OR2T11: variants seen among roughly 807,000 people sequenced by gnomAD.
OR2T11 encodes olfactory receptor 2T11.
Under a neutral mutation model 13.5 loss-of-function variants are expected in OR2T11, and 14 were observed. The observed-to-expected ratio is 1.04, with a 90% CI of 0.69 to 1.62. OR2T11 has a LOEUF of 1.62. Ranked by LOEUF, OR2T11 falls within the 40% of genes most tolerant of loss-of-function variation. The pLI, the probability that OR2T11 is intolerant of heterozygous loss-of-function variation, is 0.00. For missense variants in OR2T11, 410 were observed against 389.7 expected (o/e 1.05, Z -0.44); for synonymous variants, 163 against 154.6 (o/e 1.05, Z -0.40).
Position 248,628,430 on chromosome 1 carries a change from T to C in OR2T11, c.-144-1158A>G, listed in dbSNP as rs1170252506. Among the ~76,000 whole-genome samples, 56 of 139,704 alleles carry C rather than the reference T, an allele frequency of 4.0e-4. 13 individuals are homozygous for C. The highest frequency in any genetic ancestry group is 1.5e-3 in the African/African-American group (52 of 34,662). 91.7% of individuals were successfully genotyped at this position (139,704 alleles called of 152,430 possible). A position where few individuals can be genotyped will look rare whatever the true frequency, so the allele number is the denominator to read the frequency against. Reference sequence around the variant, plus strand: ...CGGGGGAGCCCGGATGCTGCAGGGTTTCCCCCCATTCACATGTTGCTAGAC... The same window carrying C: ...CGGGGGAGCCCGGATGCTGCAGGGTCTCCCCCCATTCACATGTTGCTAGAC... On this transcript the variant is annotated intron_variant, in intron 1 of 1. Transcript: ENST00000641193.
rs552811455 is a variant in OR2T11, at chr1:248,630,992, G to A, written c.-144-3720C>T. Among the ~76,000 whole-genome samples, 6 of 142,920 alleles carry A rather than the reference G, an allele frequency of 4.2e-5. 1 individual carries two copies. The highest frequency in any genetic ancestry group is 4.0e-4 in the East Asian group (2 of 4,940). The allele number at this position is 142,920 out of a possible 152,430, so 93.8% of individuals were successfully genotyped here. A position where few individuals can be genotyped will look rare whatever the true frequency, so the allele number is the denominator to read the frequency against. ...GGTCGGAGGGACTCAGTCGGTCTCC[G>A]GGTTTGACGATAGAGGGGACCCCAA... On this transcript the variant is annotated intron_variant, in intron 1 of 1. Coordinates refer to ENST00000641193, the MANE Select transcript of OR2T11 (RefSeq NM_001001964.2).
At position 248,631,903 on chromosome 1, in the gene OR2T11, C is replaced by T. The variant is rs187221762; in HGVS notation, c.-145+3135G>A. On this transcript the variant is annotated intron_variant, in intron 1 of 1. Transcript: ENST00000641193. ...AGGCATGTTTCCTGCACAGCATCAC[C>T]GCTGTCAACATGAAGCCCTGTACGT... 1.0e-4 allele frequency among the ~76,000 whole-genome samples: 15 copies of T among 143,850 alleles called. 2 individuals are homozygous for T. The highest frequency in any genetic ancestry group is 1.4e-4 in the Admixed American group (2 of 14,752). The allele number at this position is 143,850 out of a possible 152,430, so 94.4% of individuals were successfully genotyped here. A position where few individuals can be genotyped will look rare whatever the true frequency, so the allele number is the denominator to read the frequency against.
chr1:248,628,896 C>T (rs746481003), intron 1 of OR2T11, among the ~76,000 whole-genome samples: 1 of 143,162 alleles, frequency 7.0e-6, no homozygotes, highest in Non-Finnish European at 1.5e-5. Context: ...TCCTGATCCA[C>T]TCCTGATCGT....
At position 248,626,107 on chromosome 1, in the gene OR2T11, A is replaced by AGATC; in HGVS notation, c.*67_*70dup. On this transcript the variant is annotated 3_prime_UTR_variant, in exon 2 of 2. Coordinates refer to ENST00000641193, the MANE Select transcript of OR2T11 (RefSeq NM_001001964.2). ...AGTAAGTGTAGGTTGATAGCTGAGC[A>AGATC]GATCATCTCCAGGGAAACAGGGCAA... The AGATC allele has an allele frequency of 1.2e-6, 1 of 830,512 alleles. No homozygotes were observed. The highest frequency in any genetic ancestry group is 2.0e-6 in the Non-Finnish European group (1 of 505,502). The allele number at this position is 830,512 out of a possible 1,614,324, so 51.4% of individuals were successfully genotyped here.
Position 248,628,902 on chromosome 1 carries a change from A to G in OR2T11, c.-144-1630T>C, listed in dbSNP as rs572302436. 1.3e-4 allele frequency among the ~76,000 whole-genome samples: 19 copies of G among 143,148 alleles called. 2 individuals are homozygous for G. In the South Asian group the frequency reaches 4.2e-3, roughly 32 times the overall value. The allele number at this position is 143,148 out of a possible 152,430, so 93.9% of individuals were successfully genotyped here. A position where few individuals can be genotyped will look rare whatever the true frequency, so the allele number is the denominator to read the frequency against. ...GTCTTAGCCTCCTGATCCACTCCTG[A>G]TCGTTTCAATTCTATTCCATTTCCC... On this transcript the variant is annotated intron_variant, in intron 1 of 1. Transcript: ENST00000641193.
At position 248,629,567 on chromosome 1, in the gene OR2T11, T is replaced by C. The variant is rs1335558168; in HGVS notation, c.-144-2295A>G. On this transcript the variant is annotated intron_variant, in intron 1 of 1. Transcript: ENST00000641193. Reference sequence around the variant, plus strand: ...GTCTCATGAATCCCTCCAAGTCTAGTCTCAGCACAACCATCAAAGTCACAT... The same window carrying C: ...GTCTCATGAATCCCTCCAAGTCTAGCCTCAGCACAACCATCAAAGTCACAT... Among the ~76,000 whole-genome samples, 2 of 139,856 alleles carry C rather than the reference T, an allele frequency of 1.4e-5. 1 individual carries two copies. The highest frequency in any genetic ancestry group is 3.1e-5 in the Non-Finnish European group (2 of 65,480). The allele number at this position is 139,856 out of a possible 152,430, so 91.8% of individuals were successfully genotyped here.
At chr1:248,634,466 CT>C (rs1660658214) in intron 1 of OR2T11, among the ~76,000 whole-genome samples, 1 of 142,886 alleles carries the variant, frequency 7.0e-6, no homozygotes, top group African/African-American at 2.8e-5. Context: ...TGAAATGCTG[CT>C]AAGTGTGTGA....
chr1:248,631,906 T>C (rs1289891385), intron 1 of OR2T11, among the ~76,000 whole-genome samples: 1 of 143,776 alleles, frequency 7.0e-6, no homozygotes, highest in Non-Finnish European at 1.5e-5. Flanking sequence ...GCATCACCGC[T>C]GTCAACATGA....
rs577790893 is a variant in OR2T11 at position 248,634,417 on chromosome 1, C to T, written c.-145+621G>A. Among the ~76,000 whole-genome samples, 557 of 141,408 alleles carry T rather than the reference C, an allele frequency of 3.9e-3. 98 individuals are homozygous for T. The highest frequency in any genetic ancestry group is 0.015 in the African/African-American group (538 of 34,982). 92.8% of individuals were successfully genotyped at this position (141,408 alleles called of 152,430 possible). A position where few individuals can be genotyped will look rare whatever the true frequency, so the allele number is the denominator to read the frequency against. ...TAGTCAAAGCAAACCAAGTATTTTC[C>T]TGGCCTTTATTACCTGGGATTTAGA... On this transcript the variant is annotated intron_variant, in intron 1 of 1. Transcript: ENST00000641193.
In OR2T11 at chr1:248,627,642, G is replaced by A. The variant is rs1232703999; in HGVS notation, c.-144-370C>T. ...TTTATTCACGAAGCCCCATGTTTCT[G>A]TTCTATTTCTTTTTAATTATTTGTA... On this transcript the variant is annotated intron_variant, in intron 1 of 1. Coordinates refer to ENST00000641193, the MANE Select transcript of OR2T11 (RefSeq NM_001001964.2). Among the ~76,000 whole-genome samples, 3 of 143,460 alleles carry A rather than the reference G, an allele frequency of 2.1e-5. 1 individual carries two copies. The highest frequency in any genetic ancestry group is 4.5e-5 in the Non-Finnish European group (3 of 66,256). 94.1% of individuals were successfully genotyped at this position (143,460 alleles called of 152,430 possible).
rs1660537255 is a variant in OR2T11, at chr1:248,627,098, G to A, written c.31C>T (p.Leu11Phe). 6.4e-7 allele frequency: 1 copy of A among 1,562,438 alleles called. No individual in the cohort carries two copies. Among genetic ancestry groups the A allele is most frequent in the Non-Finnish European group, 8.7e-7 (1 of 1,148,368 alleles). Residue 11 changes from leucine (L) to phenylalanine (F), a missense_variant, in exon 2 of 2, where the codon CTC becomes TTC. Leu to Phe is a conservative substitution (Grantham distance 22, BLOSUM62 0). Transcript: ENST00000641193. ...TCACTGTTCACCAGAAGCCCCAGGA[G>A]GGTGAAGTCAGAGGATGATGTGTTC... MTNTSSSDFTLLGLLVNSEAA... is the reference protein window; with the variant it reads MTNTSSSDFTFLGLLVNSEAA...
rs1660535723 is a variant in OR2T11, at chr1:248,627,050, C to T, written c.79G>A (p.Val27Met). 1.9e-6 allele frequency: 3 copies of T among 1,570,804 alleles called. 1 individual carries two copies. The highest frequency in any genetic ancestry group is 4.6e-5 in the East Asian group (2 of 43,648). The stretch of plus-strand genomic sequence containing the variant: ...GCCCCCAAGAAAACAGCAAGGATCA[C>T]TGTAAATACAATCCCGGCAGCCTCA... ...NSEAAGIVFTVILAVFLGAVT... is the reference protein window; with the variant it reads ...NSEAAGIVFTMILAVFLGAVT... The change falls in exon 2 of 2, where the codon GTG (valine) becomes ATG (methionine). Residue 27 changes from valine (V) to methionine (M), a missense_variant. Val to Met is a conservative substitution (Grantham distance 21). Transcript: ENST00000641193.
rs758303018 is a variant in OR2T11, at chr1:248,626,675, C to G, written c.454G>C (p.Asp152His). The G allele has an allele frequency of 1.9e-6, 3 of 1,572,954 alleles. 1 individual carries two copies. The highest frequency in any genetic ancestry group is 2.6e-6 in the Non-Finnish European group (3 of 1,156,678). ...GTGATGGGAGTGAGCAGAAAGCCAT[C>G]GAGGGAGCCCCCAAACCAGGCACCA... is the stretch of plus-strand genomic sequence containing the variant. ...AAGAWFGGSL[D>H]GFLLTPITMN... is the part of the protein sequence containing the mutation. Residue 152 changes from aspartate to histidine, a missense_variant, in exon 2 of 2, where the codon GAT becomes CAT. Asp to His is a moderately conservative substitution (Grantham distance 81, BLOSUM62 -1). Transcript: ENST00000641193.
intron 1 of OR2T11, among the ~76,000 whole-genome samples, chr1:248,630,997 T>C (rs955815121): frequency 1.4e-5 from 2 of 142,618 alleles, no homozygotes; most frequent in Non-Finnish European, 3.0e-5. Context: ...TCTCCGGGTT[T>C]GACGATAGAG....
At position 248,632,111 on chromosome 1, in the gene OR2T11, AAAG is replaced by A. The variant is rs1204867480; in HGVS notation, c.-145+2924_-145+2926del. 6.9e-4 allele frequency among the ~76,000 whole-genome samples: 97 copies of A among 141,554 alleles called. 16 individuals carry two copies. The highest frequency in any genetic ancestry group is 2.6e-3 in the African/African-American group (94 of 36,562). 92.9% of individuals were successfully genotyped at this position (141,554 alleles called of 152,430 possible). A position where few individuals can be genotyped will look rare whatever the true frequency, so the allele number is the denominator to read the frequency against. ...TGTGTTATCACATGTACCCTAAGAA[AAAG>A]AAAAACAGAATGACCCTTGAAGAAT... On this transcript the variant is annotated intron_variant, in intron 1 of 1. Transcript: ENST00000641193.
rs917114351 is a variant in OR2T11, at chr1:248,631,033, T to C, written c.-144-3761A>G. ...GGGACCCCAAGCCAAGGAATGTAGA[T>C]GGTCTCTAGAAACTGGAGAGGGCTA... On this transcript the variant is annotated intron_variant, in intron 1 of 1. Transcript: ENST00000641193. Among the ~76,000 whole-genome samples the C allele has an allele frequency of 3.5e-5, 5 of 142,578 alleles. 1 individual carries two copies. The highest frequency in any genetic ancestry group is 6.0e-5 in the Non-Finnish European group (4 of 66,122). 93.5% of individuals were successfully genotyped at this position (142,578 alleles called of 152,430 possible).
rs1284326364 is a variant in OR2T11 at position 248,624,952 on chromosome 1, C to T, written c.*1226G>A. 4 of 143,966 alleles carry T rather than the reference C, an allele frequency of 2.8e-5. No individual in the cohort carries two copies. Among genetic ancestry groups the T allele is most frequent in the African/African-American group, 1.1e-4 (4 of 36,666 alleles). The allele number at this position is 143,966 out of a possible 1,614,324, so 8.9% of individuals were successfully genotyped here. Reference sequence around the variant, plus strand: ...ATGTTGGCAGGCTGGTCTCAAACTCCTGAGCTCAAGCAATCCACCCTCCTT... The same window carrying T: ...ATGTTGGCAGGCTGGTCTCAAACTCTTGAGCTCAAGCAATCCACCCTCCTT... On this transcript the variant is annotated 3_prime_UTR_variant, in exon 2 of 2. Coordinates refer to ENST00000641193, the MANE Select transcript of OR2T11 (RefSeq NM_001001964.2).
rs372945498 is a variant in OR2T11 at position 248,631,571 on chromosome 1, T to TA, written c.-145+3466dup. ...AAAGAGAAGTTAAATGAATGCAGGG[T>TA]AAAAGGCCATAAACACACCCAAGGA... On this transcript the variant is annotated intron_variant, in intron 1 of 1. Coordinates refer to ENST00000641193, the MANE Select transcript of OR2T11 (RefSeq NM_001001964.2). Among the ~76,000 whole-genome samples, 11 of 143,110 alleles carry TA rather than the reference T, an allele frequency of 7.7e-5. 2 individuals are homozygous for TA. Among genetic ancestry groups the TA allele is most frequent in the African/African-American group, 2.8e-4 (10 of 36,312 alleles). 93.9% of individuals were successfully genotyped at this position (143,110 alleles called of 152,430 possible).
chr1:248,633,923 TCCA>T (rs1269513685), intron 1 of OR2T11, among the ~76,000 whole-genome samples: 11 of 143,016 alleles, frequency 7.7e-5, no homozygotes, highest in South Asian at 2.2e-4. Flanking sequence ...TCACATAAGC[TCCA>T]ATTTTAAAAT....
Sources: gnomAD v4.1 joint callset for allele counts (sites outside exome capture counted in the v4.1 genomes callset) on GRCh38, gnomAD v4.1.1 for gene constraint, MANE v1.5 for transcripts, NCBI Gene and HGNC (gene_info 2026-07-23, HGNC 2026-07-21) for gene names.